Variants in GALC observed in about 807,000 individuals in gnomAD.
GALC encodes galactocerebrosidase.
A neutral mutation model predicts 91.8 loss-of-function variants in GALC; 77 were observed. That is an observed-to-expected ratio of 0.84 (90% confidence interval 0.70 to 1.01). GALC has a LOEUF of 1.01. GALC is among the 50% of genes least tolerant of loss of function. The pLI is 0.00. For missense variants in GALC, 882 were observed against 855.9 expected, an observed-to-expected ratio of 1.03 and a Z score of -0.38; for synonymous variants, 357 against 306.7, an observed-to-expected ratio of 1.16 and a Z score of -1.71.
chr14:87,965,622 C>T lies in GALC; in HGVS notation c.916G>A (p.Ala306Thr), dbSNP rs1349064845. The change falls in exon 9 of 17, where the codon GCA becomes ACA. Residue 306 changes from alanine (A) to threonine (T), a missense_variant. By Grantham distance (58) the Ala-to-Thr change is moderately conservative (BLOSUM62 0). Transcript: ENST00000261304. ...YINGYMTSTI[A>T]WNLVASYYEQ... is the part of the protein sequence containing the mutation. Reference sequence around the variant, plus strand: ...TAGTAACTAGCCACTAAATTCCATGCGATTGTGCTAAAAGATTTGATAAAA... The same window carrying T: ...TAGTAACTAGCCACTAAATTCCATGTGATTGTGCTAAAAGATTTGATAAAA... 2 of 1,612,794 alleles carry T rather than the reference C, an allele frequency of 1.2e-6. No individual in the cohort carries two copies. The highest frequency in any genetic ancestry group is 2.2e-5 in the East Asian group (1 of 44,866).
At chr14:87,979,778 T>A (rs1265683204) in intron 6 of GALC, among the ~76,000 whole-genome samples, 1 of 152,244 alleles carries the variant, frequency 6.6e-6, no homozygotes, top group Non-Finnish European at 1.5e-5. Context: ...ACTATGAAGA[T>A]GCTGTAGCAA....
intron 10 of GALC, chr14:87,952,858 G>A: frequency 8.6e-7 from 1 of 1,157,162 alleles, no homozygotes; most frequent in Non-Finnish European, 1.3e-6. Flanking sequence ...ATGCAAATAT[G>A]TGGATTTGAA....
chr14:87,974,215 A>G (rs1244205988), intron 7 of GALC, among the ~76,000 whole-genome samples: 1 of 149,246 alleles, frequency 6.7e-6, no homozygotes, highest in African/African-American at 2.4e-5. Flanking sequence ...AGCAATGCAC[A>G]TAAAAGAAAA....
In GALC at chr14:87,953,037, A is replaced by G. The variant is rs890165308; in HGVS notation, c.1162-2289T>C. On this transcript the variant is annotated intron_variant, in intron 10 of 16. Coordinates refer to ENST00000261304, the MANE Select transcript of GALC (RefSeq NM_000153.4). ...TATGTTGGATTTGGTTTGTAGTACT[A>G]AACAAATTAATATAGGGCCTGAAGT... The G allele has an allele frequency of 4.5e-6, 6 of 1,338,776 alleles. No individual in the cohort carries two copies. In the African/African-American group the frequency reaches 7.2e-5, roughly 16 times the overall value. 82.9% of individuals were successfully genotyped at this position (1,338,776 alleles called of 1,614,324 possible).
At chr14:87,984,675 A>G in intron 4 of GALC, 142 bp from the exon 5 acceptor site, 1 of 749,120 alleles carries the variant, frequency 1.3e-6, no homozygotes, top group Non-Finnish European at 2.2e-6. Context: ...TTTATATACC[A>G]TATAAAAATT....
intron 5 of GALC, 39 bp from the exon 6 acceptor site, chr14:87,982,282 T>C (rs531484811): frequency 1.1e-5 from 16 of 1,406,608 alleles, no homozygotes; most frequent in African/African-American, 2.8e-5. Context: ...AATTGAAAGT[T>C]ACAAAATGTC....
In GALC at chr14:87,934,573, C is replaced by T. The variant is rs2139924986; in HGVS notation, c.*159G>A. On this transcript the variant is annotated 3_prime_UTR_variant, in exon 17 of 17. Coordinates refer to ENST00000261304, the MANE Select transcript of GALC (RefSeq NM_000153.4). ...GAATTAATTCTAATAAAATCTTCCA[C>T]AGGGTAAATTAAAAATAAATTTCTC... 1 of 1,487,284 alleles carries T rather than the reference C, an allele frequency of 6.7e-7. No individual in the cohort carries two copies. Among genetic ancestry groups the T allele is most frequent in the Middle Eastern group, 2.2e-4 (1 of 4,632 alleles). The allele number at this position is 1,487,284 out of a possible 1,614,324, so 92.1% of individuals were successfully genotyped here.
chr14:87,982,699 A>G (rs550179108), intron 5 of GALC, among the ~76,000 whole-genome samples: 1 of 152,350 alleles, frequency 6.6e-6, no homozygotes, highest in Non-Finnish European at 1.5e-5. Flanking sequence ...ACAGTAATAC[A>G]CTAGTCACAA....
At position 87,984,544 on chromosome 14, in the gene GALC, A is replaced by T. The variant is rs1886891134; in HGVS notation, c.443-11T>A. On this transcript the variant is annotated splice_polypyrimidine_tract_variant and intron_variant, in intron 4 of 16. Transcript: ENST00000261304. ...ATGACCATGGCAACCCTGCAGAGAG[A>T]AGGGAGGAGGCAAAGGTAGAGGAGG... is the stretch of plus-strand genomic sequence containing the variant. 1 of 1,613,954 alleles carries T rather than the reference A, an allele frequency of 6.2e-7. No individual in the cohort carries two copies. Among genetic ancestry groups the T allele is most frequent in the Non-Finnish European group, 8.5e-7 (1 of 1,179,980 alleles).
chr14:87,954,106 T>C (rs928239350), intron 10 of GALC: 20 of 1,609,748 alleles, frequency 1.2e-5, no homozygotes, highest in African/African-American at 2.7e-5. Context: ...TATTCATCTA[T>C]TCAGCCTGAA....
chr14:87,953,849 T>C (rs551692044), intron 10 of GALC: 68 of 1,609,968 alleles, frequency 4.2e-5, no homozygotes, highest in Admixed American at 1.2e-4. Flanking sequence ...CTCCATGTCA[T>C]GTGAAGGAAA....
chr14:87,951,252 T>A (rs1427765071), intron 10 of GALC, among the ~76,000 whole-genome samples: 1 of 151,878 alleles, frequency 6.6e-6, no homozygotes, highest in African/African-American at 2.4e-5. Context: ...TTGCCATCAC[T>A]GTTTACTAAA....
At chr14:87,980,571 T>C (rs1374648997) in intron 6 of GALC, 1 of 802,642 alleles carries the variant, frequency 1.2e-6, no homozygotes, top group African/African-American at 1.9e-5. Flanking sequence ...TTCCTATCCA[T>C]CCGTTCTTGA....
chr14:87,992,211 C>A, intron 1 of GALC: 1 of 1,383,316 alleles, frequency 7.2e-7, no homozygotes. Context: ...CCAACTCAAC[C>A]CCAAAAATCC....
At chr14:87,941,037 T>A (rs778745105) in intron 15 of GALC, among the ~76,000 whole-genome samples, 8 of 151,890 alleles carry the variant, frequency 5.3e-5, no homozygotes, top group Admixed American at 2.6e-4. Context: ...GCAGCAACAG[T>A]CGTATACTCT....
intron 3 of GALC, 148 bp downstream of exon 3, chr14:87,987,994 TAC>T (rs1297402812): frequency 1.5e-6 from 1 of 650,926 alleles, no homozygotes; most frequent in South Asian, 1.8e-5. Flanking sequence ...TTTAAATAAT[TAC>T]AGTTAAAAAA....
intron 4 of GALC, among the ~76,000 whole-genome samples, chr14:87,986,242 T>G (rs1195898568): frequency 6.6e-6 from 1 of 152,230 alleles, no homozygotes; most frequent in Non-Finnish European, 1.5e-5. Flanking sequence ...TTCCTAAGCT[T>G]CTACTGCTTC....
At chr14:87,977,999 T>G (rs1886574818) in intron 6 of GALC, among the ~76,000 whole-genome samples, 1 of 152,120 alleles carries the variant, frequency 6.6e-6, no homozygotes, top group Admixed American at 6.5e-5. Flanking sequence ...TCAGTAGGAT[T>G]GAGAACCCCT....
intron 6 of GALC, among the ~76,000 whole-genome samples, chr14:87,979,920 A>G (rs1211049788): frequency 1.3e-5 from 2 of 152,020 alleles, no homozygotes; most frequent in East Asian, 3.9e-4. Context: ...CTGTGCTCCA[A>G]TCTTATTAAT....
Sources: gnomAD v4.1 joint callset for allele counts (sites outside exome capture counted in the v4.1 genomes callset) on GRCh38, gnomAD v4.1.1 for gene constraint, MANE v1.5 for transcripts, NCBI Gene and HGNC (gene_info 2026-07-23, HGNC 2026-07-21) for gene names.